The following SYNCRIP variants were observed in gnomAD, a reference collection of about 807,000 sequenced individuals.
SYNCRIP encodes the protein synaptotagmin binding cytoplasmic RNA interacting protein, also known as heterogeneous nuclear ribonucleoprotein Q.
In SYNCRIP, 9 loss-of-function variants were observed where a neutral mutation model predicts 68.9. The observed-to-expected ratio is 0.13, with a 90% confidence interval of 0.08 to 0.23. The LOEUF (loss-of-function observed/expected upper bound fraction) is 0.23. SYNCRIP is among the 10% of genes least tolerant of loss of function. The pLI, the probability that SYNCRIP is intolerant of heterozygous loss-of-function variation, is 1.00. For synonymous variants in SYNCRIP, 258 were observed against 254.0 expected, an observed-to-expected ratio of 1.02 and a Z score of -0.15; for missense variants, 414 against 770.6, an observed-to-expected ratio of 0.54 and a Z score of 5.48.
At chr6:85,636,440 CAAAAAAAAAA>C (rs968999378) in intron 6 of SYNCRIP, among the ~76,000 whole-genome samples, 5 of 136,422 alleles carry the variant, frequency 3.7e-5, no homozygotes, top group Non-Finnish European at 7.9e-5. Context: ...AACTTGGTCT[CAAAAAAAAAA>C]GAAAAGAAAA....
Position 85,640,347 on chromosome 6 carries a change from T to G in SYNCRIP, c.268-19A>C, listed in dbSNP as rs1169292025. The G allele has an allele frequency of 7.5e-6, 12 of 1,606,722 alleles. No homozygotes were observed. In the Admixed American group the frequency reaches 2.0e-4, roughly 27 times the overall value. On this transcript the variant is annotated intron_variant, in intron 3 of 10. Coordinates refer to ENST00000369622, the MANE Select transcript of SYNCRIP (RefSeq NM_006372.5). ...TTTTGTTCTGCAAAAAAATGTTCCA[T>G]TAATATTTAACAATAACCATATCTG...
chr6:85,633,793 C>T (rs560912071), intron 6 of SYNCRIP, among the ~76,000 whole-genome samples: 7 of 152,060 alleles, frequency 4.6e-5, no homozygotes, highest in Non-Finnish European at 7.4e-5. Flanking sequence ...CACAGGTGCA[C>T]GCTGCCTGGC....
At chr6:85,628,486 C>G (rs145862609) in intron 6 of SYNCRIP, among the ~76,000 whole-genome samples, 2 of 152,312 alleles carry the variant, frequency 1.3e-5, no homozygotes, top group African/African-American at 2.4e-5. Flanking sequence ...CAGTTGTTTT[C>G]TATGCTTGGC....
In SYNCRIP at chr6:85,622,611, A is replaced by G; in HGVS notation, c.879T>C (p.Tyr293=). The change falls in exon 8 of 11, where the codon TAT becomes TAC. Residue 293 remains tyrosine (Y), a synonymous_variant. Coordinates refer to ENST00000369622, the MANE Select transcript of SYNCRIP (RefSeq NM_006372.5). ...CCTGGGCAGCTGTTTTGTGATCTTC[A>G]TATTCAAGAAAGCAAAAGCCTCTGT... ...KKNRGFCFLE[Y]EDHKTAAQAR... The G allele has an allele frequency of 1.2e-6, 2 of 1,614,182 alleles. No homozygotes were observed. The highest frequency in any genetic ancestry group is 1.7e-5 in the Admixed American group (1 of 60,026).
At chr6:85,622,392 T>G in intron 8 of SYNCRIP, 90 bp downstream of exon 8, 1 of 1,213,384 alleles carries the variant, frequency 8.2e-7, no homozygotes, top group Non-Finnish European at 1.2e-6. Flanking sequence ...TAAAAAAATG[T>G]ATACTGTTCA....
chr6:85,624,171 T>G (rs1038466020), intron 6 of SYNCRIP, 59 bp from the exon 7 acceptor site: 1 of 1,507,324 alleles, frequency 6.6e-7, no homozygotes, highest in Non-Finnish European at 9.1e-7. Context: ...GAACAGTTAA[T>G]TATAAAAGAT....
At chr6:85,630,231 A>G (rs1364036162) in intron 6 of SYNCRIP, among the ~76,000 whole-genome samples, 2 of 150,646 alleles carry the variant, frequency 1.3e-5, no homozygotes, top group Non-Finnish European at 3.0e-5. Flanking sequence ...GTGTGGTGGC[A>G]GGCGCCTGTA....
intron 1 of SYNCRIP, among the ~76,000 whole-genome samples, 198 bp downstream of exon 1, chr6:85,642,599 A>G (rs1809337971): frequency 6.6e-6 from 1 of 152,170 alleles, no homozygotes; most frequent in Non-Finnish European, 1.5e-5. Flanking sequence ...ACAAAGCCCG[A>G]ACCGCAGCAG....
chr6:85,638,370 G>T (rs1235531261), intron 4 of SYNCRIP, among the ~76,000 whole-genome samples: 2 of 82,642 alleles, frequency 2.4e-5, no homozygotes, highest in Non-Finnish European at 4.3e-5. Context: ...GACAGAGCAA[G>T]ACCCCATCTC....
intron 3 of SYNCRIP, 50 bp downstream of exon 3, chr6:85,640,396 G>C: frequency 6.4e-7 from 1 of 1,569,752 alleles, no homozygotes; most frequent in Non-Finnish European, 8.7e-7. Flanking sequence ...TCAGCAGATA[G>C]TATCAAAACT....
chr6:85,641,430 C>G lies in SYNCRIP; in HGVS notation c.10G>C (p.Glu4Gln), dbSNP rs772901754. ...TCAGTACCATTTCCATTAACATGTT[C>G]TGTAGCCATGTTTCCAGAGATCTGT... is the stretch of plus-strand genomic sequence containing the variant. MAT[E>Q]HVNGNGTEEP... The change falls in exon 2 of 11, where the codon GAA (glutamate) becomes CAA (glutamine). Residue 4 changes from glutamate (E) to glutamine (Q), a missense_variant. This residue lies in a region of SYNCRIP where 51 missense variants were observed against 63.7 expected (regional missense o/e 0.80). Coordinates refer to ENST00000369622, the MANE Select transcript of SYNCRIP (RefSeq NM_006372.5). 5 of 1,612,396 alleles carry G rather than the reference C, an allele frequency of 3.1e-6. No individual in the cohort carries two copies. In the African/African-American group the frequency reaches 5.3e-5, roughly 17 times the overall value.
intron 10 of SYNCRIP, among the ~76,000 whole-genome samples, chr6:85,616,582 G>C: frequency 6.7e-6 from 1 of 149,486 alleles, no homozygotes; most frequent in Non-Finnish European, 1.5e-5. Flanking sequence ...CCTCGGCCTA[G>C]AGTGATCTGC....
Position 85,614,651 on chromosome 6 carries a change from G to A in SYNCRIP, c.*105C>T, listed in dbSNP as rs1368373974. Reference sequence around the variant, plus strand: ...CGGATTGTTAAAATATATACATAAAGGGAAATCTTGCCAGATGTCACAAAT... The same window carrying A: ...CGGATTGTTAAAATATATACATAAAAGGAAATCTTGCCAGATGTCACAAAT... On this transcript the variant is annotated 3_prime_UTR_variant, in exon 11 of 11. Transcript: ENST00000369622. 12 of 1,426,848 alleles carry A rather than the reference G, an allele frequency of 8.4e-6. No individual in the cohort carries two copies. Among genetic ancestry groups the A allele is most frequent in the South Asian group, 1.6e-5 (1 of 61,884 alleles). The allele number at this position is 1,426,848 out of a possible 1,614,324, so 88.4% of individuals were successfully genotyped here.
downstream of SYNCRIP, chr6:85,609,468 T>C (rs1805078545): frequency 6.6e-6 from 1 of 151,936 alleles, no homozygotes; most frequent in South Asian, 2.1e-4. Flanking sequence ...ATGAGGAAAC[T>C]TTACATTTTA....
intron 10 of SYNCRIP, among the ~76,000 whole-genome samples, chr6:85,617,536 C>G (rs1408706005): frequency 6.6e-6 from 1 of 152,208 alleles, no homozygotes; most frequent in Non-Finnish European, 1.5e-5. Flanking sequence ...ACACTATCAT[C>G]AAACCTACAA....
At chr6:85,637,986 A>G (rs1464851433) in intron 4 of SYNCRIP, among the ~76,000 whole-genome samples, 5 of 152,228 alleles carry the variant, frequency 3.3e-5, no homozygotes, top group Admixed American at 2.6e-4. Context: ...CATAACCTCT[A>G]CATTTTAACT....
chr6:85,630,309 C>T (rs574991753), intron 6 of SYNCRIP, among the ~76,000 whole-genome samples: 1 of 152,222 alleles, frequency 6.6e-6, no homozygotes. Context: ...TGCAATGAGC[C>T]GAGATCGTGC....
chr6:85,618,698 T>C, intron 10 of SYNCRIP, 120 bp downstream of exon 10: 8 of 810,192 alleles, frequency 9.9e-6, no homozygotes, highest in Non-Finnish European at 1.5e-5. Flanking sequence ...CTCTCAAACG[T>C]TCAAGTCTTC....
chr6:85,616,707 T>G (rs997962275), intron 10 of SYNCRIP, among the ~76,000 whole-genome samples: 5 of 152,194 alleles, frequency 3.3e-5, no homozygotes, highest in African/African-American at 1.2e-4. Context: ...AAAATGTTAT[T>G]CCGGTTCACT....
Sources: allele counts gnomAD v4.1 joint callset (sites outside exome capture counted in the v4.1 genomes callset), GRCh38; gene constraint gnomAD v4.1.1; regional missense constraint gnomAD v4.1.1; transcripts MANE v1.5; gene names NCBI Gene and HGNC (gene_info 2026-07-23, HGNC 2026-07-21).